MGST1: variants seen among roughly 807,000 people sequenced by gnomAD.
MGST1 encodes the protein glutathione S-transferase 12.
A neutral mutation model predicts 8.9 loss-of-function variants in MGST1; 5 were observed. That is an observed-to-expected ratio of 0.56 (90% CI 0.29 to 1.19). MGST1 has a LOEUF of 1.19. Ranked by LOEUF, MGST1 falls within the 50% of genes most tolerant of loss-of-function variation. The probability of loss-of-function intolerance (pLI) is 0.08; values close to 1 mark genes in which losing one functional copy is unlikely to be tolerated. For missense variants in MGST1, 182 were observed against 187.4 expected (o/e 0.97, Z 0.17); for synonymous variants, 54 against 67.8 (o/e 0.80, Z 1.00).
At chr12:16,502,569 G>A (rs1941511217) in intron 4 of MGST1, among the ~76,000 whole-genome samples, 1 of 152,050 alleles carries the variant, frequency 6.6e-6, no homozygotes, top group Admixed American at 6.6e-5. Context: ...TAAAAACAGT[G>A]GCTGATAAAT....
At chr12:16,526,860 C>T (rs745330434) in intron 4 of MGST1, among the ~76,000 whole-genome samples, 5 of 151,924 alleles carry the variant, frequency 3.3e-5, no homozygotes, top group Non-Finnish European at 7.4e-5. Context: ...AGAGTCAGGG[C>T]TGCAGTAGTT....
At chr12:16,574,781 C>A (rs1942939139) in intron 4 of MGST1, among the ~76,000 whole-genome samples, 1 of 152,138 alleles carries the variant, frequency 6.6e-6, no homozygotes, top group South Asian at 2.1e-4. Flanking sequence ...TTAATCCTTA[C>A]CATACATTTT....
chr12:16,399,556 C>T (rs1247946475), intron 1 of MGST1: 9 of 1,583,630 alleles, frequency 5.7e-6, no homozygotes, highest in East Asian at 2.2e-5. Context: ...CTGTCCTCCT[C>T]TTCCTCTTCA....
intron 1 of MGST1, among the ~76,000 whole-genome samples, chr12:16,387,325 T>C (rs1458175063): frequency 6.6e-6 from 1 of 152,144 alleles, no homozygotes; most frequent in African/African-American, 2.4e-5. Flanking sequence ...ATGTCATAGC[T>C]GTCCTAACAT....
At chr12:16,371,940 A>C (rs973932373) in intron 3 of MGST1, among the ~76,000 whole-genome samples, 1 of 152,118 alleles carries the variant, frequency 6.6e-6, no homozygotes, top group Non-Finnish European at 1.5e-5. Context: ...GGGAAAGAAC[A>C]GTCTCTTCAA....
At chr12:16,528,559 G>A (rs10082885) in intron 4 of MGST1, among the ~76,000 whole-genome samples, 44,553 of 151,792 alleles carry the variant, frequency 0.29, 6,626 homozygotes, top group Non-Finnish European at 0.33. Flanking sequence ...TCAATTTATG[G>A]TGGCGTAATA....
In MGST1 at chr12:16,362,719, TGGAGGACTGCTTGAGACCA is replaced by T. The variant is rs1940056079; in HGVS notation, c.222-1073_222-1055del. On this transcript the variant is annotated intron_variant, in intron 3 of 3. Coordinates refer to ENST00000396210, the MANE Select transcript of MGST1 (RefSeq NM_020300.5). The surrounding 1 kb of genome is among the most constrained non-coding windows in gnomAD (Gnocchi z 4.4). ...ACCCAGTGTTTTGGGAGGCTGAGGC[TGGAGGACTGCTTGAGACCA>T]GGTGTTCAAGACCAGCCTGGGCAAC... 6.6e-6 allele frequency: 1 copy of T among 152,074 alleles called. No individual in the cohort carries two copies. Among genetic ancestry groups the T allele is most frequent in the Non-Finnish European group, 1.5e-5 (1 of 68,018 alleles). 9.4% of individuals were successfully genotyped at this position (152,074 alleles called of 1,614,324 possible).
chr12:16,569,495 C>G (rs1340890667), intron 4 of MGST1, among the ~76,000 whole-genome samples: 1 of 152,120 alleles, frequency 6.6e-6, no homozygotes, highest in East Asian at 1.9e-4. Flanking sequence ...CTTCTCATAC[C>G]CATTTTCCAA....
chr12:16,374,697 A>T (rs1048050914), intron 3 of MGST1, among the ~76,000 whole-genome samples: 2 of 152,192 alleles, frequency 1.3e-5, no homozygotes, highest in Non-Finnish European at 2.9e-5. Context: ...AAATAATTCA[A>T]ATATTCACTA....
chr12:16,552,298 C>T (rs1232375819), intron 4 of MGST1, among the ~76,000 whole-genome samples: 1 of 152,008 alleles, frequency 6.6e-6, no homozygotes, highest in Non-Finnish European at 1.5e-5. Context: ...CCCAGTAAAA[C>T]TACTTGTAAT....
At chr12:16,485,080 G>A (rs1224203076) in intron 4 of MGST1, among the ~76,000 whole-genome samples, 1 of 152,104 alleles carries the variant, frequency 6.6e-6, no homozygotes, top group African/African-American at 2.4e-5. Flanking sequence ...AAACATTATT[G>A]TATTCCCTCA....
chr12:16,480,609 A>G (rs1941357853), intron 4 of MGST1, among the ~76,000 whole-genome samples: 3 of 152,214 alleles, frequency 2.0e-5, no homozygotes, highest in Non-Finnish European at 2.9e-5. Context: ...TAGGTAAAAT[A>G]TTTATCAGGT....
At chr12:16,400,175 C>G in intron 1 of MGST1, 1 of 1,184,568 alleles carries the variant, frequency 8.4e-7, no homozygotes, top group Admixed American at 1.7e-5. Context: ...TGATGTTTCC[C>G]TAAGTCCGTG....
chr12:16,566,275 G>C (rs1435809431), intron 4 of MGST1, among the ~76,000 whole-genome samples: 1 of 151,412 alleles, frequency 6.6e-6, no homozygotes, highest in Admixed American at 6.6e-5. Context: ...GAAGGGGAGA[G>C]ATTGGTCAAT....
intron 1 of MGST1, among the ~76,000 whole-genome samples, chr12:16,418,182 C>A (rs971889768): frequency 9.9e-5 from 15 of 152,062 alleles, no homozygotes; most frequent in African/African-American, 3.6e-4. Context: ...ATCAAAACAA[C>A]CTTATAGAGT....
At chr12:16,539,413 T>C (rs1197264081) in intron 4 of MGST1, among the ~76,000 whole-genome samples, 1 of 152,184 alleles carries the variant, frequency 6.6e-6, no homozygotes, top group African/African-American at 2.4e-5. Flanking sequence ...AATTTTCTTT[T>C]AAATTATAAA....
chr12:16,493,543 A>C (rs560145788), intron 4 of MGST1, among the ~76,000 whole-genome samples: 8 of 152,156 alleles, frequency 5.3e-5, no homozygotes, highest in Non-Finnish European at 1.2e-4. Context: ...AGCCACCTTC[A>C]ATTGGCCAAG....
chr12:16,583,896 AAG>A (rs1943241045), intron 4 of MGST1, among the ~76,000 whole-genome samples: 1 of 152,170 alleles, frequency 6.6e-6, no homozygotes, highest in Non-Finnish European at 1.5e-5. Flanking sequence ...AATTAGGAGA[AAG>A]AGACATGACA....
intron 4 of MGST1, among the ~76,000 whole-genome samples, chr12:16,450,758 CTGTT>C (rs1941121980): frequency 6.6e-6 from 1 of 151,782 alleles, no homozygotes; most frequent in Admixed American, 6.6e-5. Context: ...TTCTTGAGCT[CTGTT>C]TGATCAGGAA....
Sources: allele counts gnomAD v4.1 joint callset (sites outside exome capture counted in the v4.1 genomes callset), GRCh38; gene constraint gnomAD v4.1.1; non-coding constraint Gnocchi (gnomAD v3.1); transcripts MANE v1.5; gene names NCBI Gene and HGNC (gene_info 2026-07-23, HGNC 2026-07-21).